DIPK1B: variants seen among roughly 807,000 people sequenced by gnomAD.
The protein encoded by DIPK1B is family with sequence similarity 69 member B.
DIPK1B carries 17 observed loss-of-function variants against 20.7 expected under a neutral mutation model. The observed-to-expected ratio is 0.82, with a 90% CI of 0.56 to 1.23. The LOEUF (loss-of-function observed/expected upper bound fraction) is 1.23. DIPK1B is among the 50% of genes most tolerant of loss of function. The pLI, the probability that DIPK1B is intolerant of heterozygous loss-of-function variation, is 0.00. For missense variants in DIPK1B, 648 were observed against 601.8 expected, an observed-to-expected ratio of 1.08 and a Z score of -0.80; for synonymous variants, 343 against 276.5, an observed-to-expected ratio of 1.24 and a Z score of -2.39.
rs1451974965 is a variant in DIPK1B at position 136,723,950 on chromosome 9, A to C, written c.*176A>C. 5 of 671,624 alleles carry C rather than the reference A, an allele frequency of 7.4e-6. No individual in the cohort carries two copies. The highest frequency in any genetic ancestry group is 1.2e-5 in the Non-Finnish European group (5 of 402,492). The allele number at this position is 671,624 out of a possible 1,614,324, so 41.6% of individuals were successfully genotyped here. A position where few individuals can be genotyped will look rare whatever the true frequency, so the allele number is the denominator to read the frequency against. On this transcript the variant is annotated 3_prime_UTR_variant, in exon 5 of 5. Coordinates refer to ENST00000371692, the MANE Select transcript of DIPK1B (RefSeq NM_152421.4). Reference sequence around the variant, plus strand: ...GACATGAGACCCCAGCTCGGAGCAAAGGCGGACATGGACATCCCGGCAGGA... The same window carrying C: ...GACATGAGACCCCAGCTCGGAGCAACGGCGGACATGGACATCCCGGCAGGA...
chr9:136,723,513 C>T lies in DIPK1B; in HGVS notation c.1035C>T (p.Asp345=), dbSNP rs140535182. 6.9e-6 allele frequency: 11 copies of T among 1,602,598 alleles called. No homozygotes were observed. Among genetic ancestry groups the T allele is most frequent in the Non-Finnish European group, 8.5e-6 (10 of 1,174,884 alleles). ...EHSTDCTYGR[D]CRAPCDRLMR... ...GCACCGACTGCACCTACGGGCGCGA[C>T]TGCAGGGCCCCGTGTGACAGGCTCA... Residue 345 remains aspartate, a synonymous_variant, in exon 5 of 5, where the codon GAC becomes GAT. Coordinates refer to ENST00000371692, the MANE Select transcript of DIPK1B (RefSeq NM_152421.4).
At position 136,717,563 on chromosome 9, in the gene DIPK1B, C is replaced by T. The variant is rs370975586; in HGVS notation, c.64-14C>T. The T allele has an allele frequency of 8.8e-6, 14 of 1,596,736 alleles. No individual in the cohort carries two copies. Among genetic ancestry groups the T allele is most frequent in the Admixed American group, 1.7e-5 (1 of 59,610 alleles). Reference sequence around the variant, plus strand: ...CCCCGAGGGCACCTCCTCACGCAGCCCCTTCCCCCACAGGGCCGGCTCCCA... The same window carrying T: ...CCCCGAGGGCACCTCCTCACGCAGCTCCTTCCCCCACAGGGCCGGCTCCCA... On this transcript the variant is annotated splice_polypyrimidine_tract_variant and intron_variant, in intron 1 of 4. Coordinates refer to ENST00000371692, the MANE Select transcript of DIPK1B (RefSeq NM_152421.4).
In DIPK1B at chr9:136,722,174, T is replaced by C. The variant is rs759425438; in HGVS notation, c.356T>C (p.Ile119Thr). The change falls in exon 4 of 5, where the codon ATT (isoleucine) becomes ACT (threonine). Residue 119 changes from isoleucine (I) to threonine (T), a missense_variant. Coordinates refer to ENST00000371692, the MANE Select transcript of DIPK1B (RefSeq NM_152421.4). ...RDKDVTIKCGIEETLDSKARS... is the reference protein window; with the variant it reads ...RDKDVTIKCGTEETLDSKARS... ...AAGGATGTAACCATCAAGTGTGGCA[T>C]TGAGGAGACCCTCGACTCCAAGGCC... 8.1e-6 allele frequency: 13 copies of C among 1,613,842 alleles called. No homozygotes were observed. Among genetic ancestry groups the C allele is most frequent in the South Asian group, 4.4e-5 (4 of 91,088 alleles).
intron 1 of DIPK1B, among the ~76,000 whole-genome samples, chr9:136,713,607 G>A (rs1250598013): frequency 2.0e-5 from 3 of 152,240 alleles, no homozygotes; most frequent in African/African-American, 7.2e-5. Context: ...CCTTGGGGCA[G>A]GGTGAGAGCT....
rs765801360 is a variant in DIPK1B at position 136,722,010 on chromosome 9, G to T, written c.288G>T (p.Ser96=). ...TGGTGGAGTGGAGGACCTGCCTCTC[G>T]GTGGCCCCGGGCCAGCAGGTATAGC... The part of the protein sequence containing the change: ...LHMVEWRTCL[S]VAPGQQVYSG... The change falls in exon 3 of 5, where the codon TCG becomes TCT. Residue 96 remains serine, a synonymous_variant. Coordinates refer to ENST00000371692, the MANE Select transcript of DIPK1B (RefSeq NM_152421.4). The T allele has an allele frequency of 1.9e-6, 3 of 1,613,142 alleles. No homozygotes were observed. In the African/African-American group the frequency reaches 4.0e-5, roughly 22 times the overall value.
chr9:136,720,123 C>T (rs1380335458), intron 2 of DIPK1B, among the ~76,000 whole-genome samples: 1 of 151,852 alleles, frequency 6.6e-6, no homozygotes, highest in Non-Finnish European at 1.5e-5. Context: ...GTGCAGGGAG[C>T]TGGCTGGTCT....
intron 2 of DIPK1B, 74 bp from the exon 3 acceptor site, chr9:136,721,847 G>A (rs568011736): frequency 1.0e-5 from 14 of 1,378,104 alleles, no homozygotes; most frequent in East Asian, 7.0e-5. Flanking sequence ...TGCCAGCTTC[G>A]GGCCTGTGGG....
chr9:136,716,247 GGTGTCTGAGTCT>G (rs1412686974), intron 1 of DIPK1B, among the ~76,000 whole-genome samples: 2 of 151,384 alleles, frequency 1.3e-5, no homozygotes, highest in East Asian at 3.9e-4. Flanking sequence ...TGTGAACATC[GGTGTCTGAGTCT>G]GTGTCTTTTT....
intron 1 of DIPK1B, 43 bp from the exon 2 acceptor site, chr9:136,717,534 G>T (rs1846515894): frequency 6.3e-7 from 1 of 1,581,166 alleles, no homozygotes; most frequent in Admixed American, 1.8e-5. Flanking sequence ...CCTGAGCCTG[G>T]GTGCCCCGAG....
At chr9:136,717,954 T>C (rs1458778001) in intron 2 of DIPK1B, among the ~76,000 whole-genome samples, 3 of 9,774 alleles carry the variant, frequency 3.1e-4, no homozygotes, top group African/African-American at 1.4e-3. Flanking sequence ...CAGAGGAGGA[T>C]GGGGGAGACG....
At position 136,718,103 on chromosome 9, in the gene DIPK1B, AGAGACCCCC is replaced by A. The variant is rs1846527882; in HGVS notation, c.198+394_198+402del. Among the ~76,000 whole-genome samples, 6 of 28,726 alleles carry A rather than the reference AGAGACCCCC, an allele frequency of 2.1e-4. 1 individual carries two copies. The highest frequency in any genetic ancestry group is 4.7e-4 in the Non-Finnish European group (5 of 10,694). The allele number at this position is 28,726 out of a possible 152,430, so 18.8% of individuals were successfully genotyped here. ...GTGTGGTGTCCTCACTGGATGGGAT[AGAGACCCCC>A]GTGTGCTGGCCTCACTGGTCCAGGA... On this transcript the variant is annotated intron_variant, in intron 2 of 4. Transcript: ENST00000371692.
intron 2 of DIPK1B, among the ~76,000 whole-genome samples, chr9:136,720,446 C>G (rs1328435821): frequency 6.6e-6 from 1 of 152,062 alleles, no homozygotes; most frequent in African/African-American, 2.4e-5. Flanking sequence ...TCCATGGCAA[C>G]TGAGGCTGTA....
Position 136,723,924 on chromosome 9 carries a change from A to G in DIPK1B, c.*150A>G. On this transcript the variant is annotated 3_prime_UTR_variant, in exon 5 of 5. Coordinates refer to ENST00000371692, the MANE Select transcript of DIPK1B (RefSeq NM_152421.4). ...TCAGGGCTCTGGATTCCAGCACCAC[A>G]GACATGAGACCCCAGCTCGGAGCAA... 2 of 798,610 alleles carry G rather than the reference A, an allele frequency of 2.5e-6. No individual in the cohort carries two copies. Among genetic ancestry groups the G allele is most frequent in the East Asian group, 2.7e-5 (1 of 37,134 alleles). The allele number at this position is 798,610 out of a possible 1,614,324, so 49.5% of individuals were successfully genotyped here. A position where few individuals can be genotyped will look rare whatever the true frequency, so the allele number is the denominator to read the frequency against.
At chr9:136,722,776 C>G in intron 4 of DIPK1B, 186 bp from the exon 5 acceptor site, 1 of 637,236 alleles carries the variant, frequency 1.6e-6, no homozygotes, top group Non-Finnish European at 2.6e-6. Context: ...CACAGGCCAG[C>G]AGAGTGAGCT....
In DIPK1B at chr9:136,723,748, A is replaced by G. The variant is rs1385739244; in HGVS notation, c.1270A>G (p.Lys424Glu). Residue 424 changes from lysine to glutamate, a missense_variant, in exon 5 of 5, where the codon AAG becomes GAG. Transcript: ENST00000371692. Reference protein sequence around the residue: ...LSHLKTLLWKKISNTKYS With the variant: ...LSHLKTLLWKEISNTKYS ...CCACCTCAAGACTCTGCTCTGGAAG[A>G]AGATCTCCAACACCAAGTACTCTTG... 1 of 1,534,780 alleles carries G rather than the reference A, an allele frequency of 6.5e-7. No homozygotes were observed. Among genetic ancestry groups the G allele is most frequent in the Non-Finnish European group, 8.7e-7 (1 of 1,146,868 alleles).
intron 2 of DIPK1B, among the ~76,000 whole-genome samples, chr9:136,718,922 G>A (rs573014780): frequency 1.1e-3 from 162 of 152,290 alleles, no homozygotes; most frequent in Non-Finnish European, 1.7e-3. Context: ...CCCAGGACTT[G>A]TTTGGAGCCC....
chr9:136,716,874 T>C (rs1338231874), intron 1 of DIPK1B, among the ~76,000 whole-genome samples: 1 of 152,210 alleles, frequency 6.6e-6, no homozygotes, highest in Non-Finnish European at 1.5e-5. Context: ...CGCGCTCACC[T>C]GGCCTTGTGC....
chr9:136,722,458 T>A, intron 4 of DIPK1B, 157 bp downstream of exon 4: 1 of 924,304 alleles, frequency 1.1e-6, no homozygotes, highest in Non-Finnish European at 1.6e-6. Flanking sequence ...GCATGAGCCC[T>A]GCCAGGGAAG....
chr9:136,719,629 G>A (rs1846559246), intron 2 of DIPK1B, among the ~76,000 whole-genome samples: 1 of 152,198 alleles, frequency 6.6e-6, no homozygotes, highest in Non-Finnish European at 1.5e-5. Flanking sequence ...CCCTGAGGAG[G>A]CCAAGCACAC....
Sources: allele counts gnomAD v4.1 joint callset (sites outside exome capture counted in the v4.1 genomes callset), GRCh38; gene constraint gnomAD v4.1.1; transcripts MANE v1.5; gene names NCBI Gene and HGNC (gene_info 2026-07-23, HGNC 2026-07-21).